Variants in SLAMF1 observed in about 807,000 individuals in gnomAD.
SLAMF1 encodes the protein signaling lymphocytic activation molecule.
In SLAMF1, 18 loss-of-function variants were observed where a neutral mutation model predicts 35.1. The ratio of observed to expected loss-of-function variants is 0.51; its 90% CI spans 0.35 to 0.76. SLAMF1 has a LOEUF of 0.76. Among genes scored for constraint, SLAMF1 ranks in the 30% least tolerant of loss-of-function variants. SLAMF1 has a pLI of 0.01. For synonymous variants in SLAMF1, 168 were observed against 157.2 expected (o/e 1.07, Z -0.51); for missense variants, 392 against 413.0 (o/e 0.95, Z 0.44).
In SLAMF1 at chr1:160,647,013, G is replaced by A. The variant is rs903480096; in HGVS notation, c.-68C>T. 2 of 819,340 alleles carry A rather than the reference G, an allele frequency of 2.4e-6. No homozygotes were observed. The highest frequency in any genetic ancestry group is 3.9e-5 in the Admixed American group (2 of 50,884). 50.8% of individuals were successfully genotyped at this position (819,340 alleles called of 1,614,324 possible). A position where few individuals can be genotyped will look rare whatever the true frequency, so the allele number is the denominator to read the frequency against. ...AGCTGCTCACAGATGCCAGGCAGAA[G>A]CAAGCTTCGTGTCATGCAGCAGAGG... is the stretch of plus-strand genomic sequence containing the variant. On this transcript the variant is annotated 5_prime_UTR_variant, in exon 1 of 7. Coordinates refer to ENST00000302035, the MANE Select transcript of SLAMF1 (RefSeq NM_003037.5).
At chr1:160,614,298 G>A (rs886186628) in intron 5 of SLAMF1, among the ~76,000 whole-genome samples, 2 of 152,178 alleles carry the variant, frequency 1.3e-5, no homozygotes, top group African/African-American at 4.8e-5. Flanking sequence ...ACCTTTGGCC[G>A]GGCGTGGTGG....
chr1:160,623,961 G>A, intron 4 of SLAMF1, 135 bp downstream of exon 4: 1 of 656,122 alleles, frequency 1.5e-6, no homozygotes, highest in Non-Finnish European at 2.7e-6. Context: ...CCCAGGATAT[G>A]TTTATCTACT....
intron 5 of SLAMF1, among the ~76,000 whole-genome samples, chr1:160,618,018 A>G (rs949683016): frequency 1.8e-4 from 27 of 152,320 alleles, no homozygotes; most frequent in African/African-American, 6.0e-4. Flanking sequence ...GGTTGTAGTG[A>G]GCCCAGATCA....
At chr1:160,631,049 A>G (rs1339877954) in intron 3 of SLAMF1, among the ~76,000 whole-genome samples, 1 of 151,918 alleles carries the variant, frequency 6.6e-6, no homozygotes, top group Non-Finnish European at 1.5e-5. Context: ...TTACTTATAC[A>G]GCTGTCTTCT....
intron 3 of SLAMF1, 110 bp from the exon 4 acceptor site, chr1:160,624,295 C>T (rs1659767097): frequency 1.0e-5 from 8 of 788,722 alleles, no homozygotes; most frequent in Non-Finnish European, 1.3e-5. Context: ...GCATTCTCTC[C>T]CAAGGGAGAC....
chr1:160,630,320 G>A (rs1244760253), intron 3 of SLAMF1, among the ~76,000 whole-genome samples: 2 of 152,174 alleles, frequency 1.3e-5, no homozygotes, highest in African/African-American at 2.4e-5. Context: ...GAACAAGGAT[G>A]AATACATGAC....
At chr1:160,618,417 T>G (rs1168457385) in intron 5 of SLAMF1, among the ~76,000 whole-genome samples, 3 of 151,936 alleles carry the variant, frequency 2.0e-5, no homozygotes, top group Non-Finnish European at 2.9e-5. Flanking sequence ...TGTGTGTGTG[T>G]GTGTGTAAAA....
intron 3 of SLAMF1, chr1:160,634,387 A>G (rs1660316470): frequency 1.0e-6 from 1 of 984,756 alleles, no homozygotes; most frequent in Non-Finnish European, 1.2e-6. Context: ...GTCTGTCTCT[A>G]TCACCTCCTG....
At position 160,608,211 on chromosome 1, in the gene SLAMF1, C is replaced by G. The variant is rs150891866; in HGVS notation, c.*2537G>C. On this transcript the variant is annotated 3_prime_UTR_variant, in exon 7 of 7. Transcript: ENST00000302035. ...GGCTTCTCAGCCAGCACACACCACC[C>G]GCTGTAACAATCACATCCCCGCTGT... is the stretch of plus-strand genomic sequence containing the variant. 1 of 152,204 alleles carries G rather than the reference C, an allele frequency of 6.6e-6. No homozygotes were observed. The highest frequency in any genetic ancestry group is 1.5e-5 in the Non-Finnish European group (1 of 68,040). 9.4% of individuals were successfully genotyped at this position (152,204 alleles called of 1,614,324 possible).
intron 1 of SLAMF1, among the ~76,000 whole-genome samples, chr1:160,639,848 C>T (rs957466209): frequency 2.0e-5 from 3 of 152,064 alleles, no homozygotes; most frequent in African/African-American, 7.2e-5. Context: ...ATTTCCTGCC[C>T]TCCTCTTTGC....
At chr1:160,645,436 T>C (rs547103631) in intron 1 of SLAMF1, among the ~76,000 whole-genome samples, 1 of 152,370 alleles carries the variant, frequency 6.6e-6, no homozygotes, top group Non-Finnish European at 1.5e-5. Context: ...GCTGGGTTGC[T>C]TCTCCCTGAC....
chr1:160,638,860 T>C lies in SLAMF1; in HGVS notation c.77-1331A>G, dbSNP rs145071765. ...ACATACTCTCCCGGTTTTTCTCCTATCCTATATAGGTTGCCTCTGCTCAGT... is the reference window on the plus strand; with the variant it reads ...ACATACTCTCCCGGTTTTTCTCCTACCCTATATAGGTTGCCTCTGCTCAGT... On this transcript the variant is annotated intron_variant, in intron 1 of 6. Transcript: ENST00000302035. Among the ~76,000 whole-genome samples the C allele has an allele frequency of 2.6e-3, 398 of 152,332 alleles. 1 individual carries two copies. Among genetic ancestry groups the C allele is most frequent in the Non-Finnish European group, 4.5e-3 (304 of 68,034 alleles).
intron 3 of SLAMF1, among the ~76,000 whole-genome samples, chr1:160,627,168 T>C (rs1371819519): frequency 2.0e-5 from 3 of 152,232 alleles, no homozygotes; most frequent in African/African-American, 7.2e-5. Flanking sequence ...TGGCTTCAAC[T>C]TCCTCATCTG....
intron 4 of SLAMF1, 38 bp from the exon 5 acceptor site, chr1:160,619,887 T>G (rs756930532): frequency 1.1e-5 from 15 of 1,386,264 alleles, no homozygotes; most frequent in Non-Finnish European, 1.1e-5. Flanking sequence ...CTCCCTCTGG[T>G]CCCCAGCAGG....
In SLAMF1 at chr1:160,639,672, A is replaced by G. The variant is rs182001427; in HGVS notation, c.77-2143T>C. On this transcript the variant is annotated intron_variant, in intron 1 of 6. Coordinates refer to ENST00000302035, the MANE Select transcript of SLAMF1 (RefSeq NM_003037.5). ...GTCTTCTTCCAGCTGATCTCCCTGC[A>G]TTCATACAATAGATGGAATCATCTT... Among the ~76,000 whole-genome samples, 517 of 152,266 alleles carry G rather than the reference A, an allele frequency of 3.4e-3. 3 individuals are homozygous for G. The highest frequency in any genetic ancestry group is 5.7e-3 in the Non-Finnish European group (386 of 68,016).
At chr1:160,643,310 G>A (rs1291460134) in intron 1 of SLAMF1, among the ~76,000 whole-genome samples, 5 of 152,070 alleles carry the variant, frequency 3.3e-5, no homozygotes, top group African/African-American at 1.2e-4. Flanking sequence ...AAGTTCTGGG[G>A]CTCATTCCTT....
rs1023999632 is a variant in SLAMF1 at position 160,642,489 on chromosome 1, C to T, written c.76+4381G>A. The stretch of plus-strand genomic sequence containing the variant: ...ACTCTGGTTCAATGCCTGTAATCCC[C>T]CACTCTTATAAGCTTCCAAGAGTAG... On this transcript the variant is annotated intron_variant, in intron 1 of 6. Coordinates refer to ENST00000302035, the MANE Select transcript of SLAMF1 (RefSeq NM_003037.5). The surrounding 1 kb of genome is among the most constrained non-coding windows in gnomAD (Gnocchi z 4.2). Among the ~76,000 whole-genome samples, 3 of 152,182 alleles carry T rather than the reference C, an allele frequency of 2.0e-5. No homozygotes were observed. The highest frequency in any genetic ancestry group is 2.0e-4 in the Admixed American group (3 of 15,274).
Position 160,610,077 on chromosome 1 carries a change from T to A in SLAMF1, c.*671A>T, listed in dbSNP as rs1293493106. 3 of 321,608 alleles carry A rather than the reference T, an allele frequency of 9.3e-6. No homozygotes were observed. Among genetic ancestry groups the A allele is most frequent in the Non-Finnish European group, 1.2e-5 (2 of 163,948 alleles). 19.9% of individuals were successfully genotyped at this position (321,608 alleles called of 1,614,324 possible). On this transcript the variant is annotated 3_prime_UTR_variant, in exon 7 of 7. Coordinates refer to ENST00000302035, the MANE Select transcript of SLAMF1 (RefSeq NM_003037.5). ...TTTAAGGCTCTTACATGGTTTCCAG[T>A]CCACTGTTCAAAACTCAGAGATCTC...
Position 160,637,260 on chromosome 1 carries a change from C to T in SLAMF1, c.346G>A (p.Gly116Arg), listed in dbSNP as rs1057378975. The T allele has an allele frequency of 1.2e-6, 2 of 1,613,974 alleles. No homozygotes were observed. The highest frequency in any genetic ancestry group is 1.7e-5 in the Admixed American group (1 of 59,992). Residue 116 changes from glycine (G) to arginine (R), a missense_variant, in exon 2 of 7, where the codon GGA becomes AGA. Coordinates refer to ENST00000302035, the MANE Select transcript of SLAMF1 (RefSeq NM_003037.5). ...GIRESRKEDE[G>R]WYLMTLEKNV... ...TTCTCCAGGGTCATAAGGTACCATC[C>T]CTCATCCTCCTTCCTGCTTTCCCGT...
Sources: allele counts gnomAD v4.1 joint callset (sites outside exome capture counted in the v4.1 genomes callset), GRCh38; gene constraint gnomAD v4.1.1; non-coding constraint Gnocchi (gnomAD v3.1); transcripts MANE v1.5; gene names NCBI Gene and HGNC (gene_info 2026-07-23, HGNC 2026-07-21).